The following SATB2 variants were observed in gnomAD, a reference collection of about 807,000 sequenced individuals.
SATB2 encodes the protein SATB homeobox 2.
Under a neutral mutation model 73.4 loss-of-function variants are expected in SATB2, and 1 was observed. That is an observed-to-expected ratio of 0.01 (90% CI 0.00 to 0.06). The LOEUF is 0.06. Among genes scored for constraint, SATB2 ranks in the 10% least tolerant of loss-of-function variants. SATB2 has a pLI of 1.00. For missense variants in SATB2, 459 were observed against 945.8 expected, an observed-to-expected ratio of 0.49 and a Z score of 6.75; for synonymous variants, 397 against 367.0, an observed-to-expected ratio of 1.08 and a Z score of -0.93.
chr2:199,347,091 T>G (rs1688676387), intron 7 of SATB2: 1 of 152,220 alleles, frequency 6.6e-6, no homozygotes, highest in African/African-American at 2.4e-5. Context: ...AGGCTGGTCT[T>G]GAACTCCTGA....
At chr2:199,423,418 T>C (rs1691231988) in intron 3 of SATB2, among the ~76,000 whole-genome samples, 2 of 152,068 alleles carry the variant, frequency 1.3e-5, no homozygotes, top group Admixed American at 1.3e-4. Flanking sequence ...CTTTCCTTTC[T>C]GCAAAGTAAG....
At chr2:199,315,332 A>G (rs975693376) in intron 9 of SATB2, among the ~76,000 whole-genome samples, 3 of 152,118 alleles carry the variant, frequency 2.0e-5, no homozygotes, top group African/African-American at 7.3e-5. Context: ...AATGAGTGAC[A>G]TATCCTCCAA....
At chr2:199,292,533 T>C (rs981672307) in intron 10 of SATB2, among the ~76,000 whole-genome samples, 1 of 152,224 alleles carries the variant, frequency 6.6e-6, no homozygotes, top group African/African-American at 2.4e-5. Flanking sequence ...AAGAAAAATA[T>C]GCAGATAATA....
chr2:199,366,367 C>T (rs901886737), intron 6 of SATB2, among the ~76,000 whole-genome samples: 1 of 151,952 alleles, frequency 6.6e-6, no homozygotes, highest in Non-Finnish European at 1.5e-5. Context: ...GTAGAAACTC[C>T]CACAGCAACA....
At chr2:199,391,654 C>T (rs572364318) in intron 3 of SATB2, among the ~76,000 whole-genome samples, 1 of 151,696 alleles carries the variant, frequency 6.6e-6, no homozygotes, top group African/African-American at 2.4e-5. Context: ...TAAAATATTC[C>T]GCTACCATTT....
upstream of SATB2, chr2:199,458,565 T>C (rs1230364942): frequency 1.3e-5 from 5 of 370,752 alleles, no homozygotes; most frequent in African/African-American, 2.3e-5. Flanking sequence ...CGCGGCCGCC[T>C]CGCCCAGCCC....
intron 3 of SATB2, among the ~76,000 whole-genome samples, chr2:199,425,435 G>A (rs1053480748): frequency 3.9e-5 from 6 of 152,152 alleles, no homozygotes; most frequent in Non-Finnish European, 5.9e-5. Flanking sequence ...TCATCATGGA[G>A]GAAATAATAA....
At chr2:199,459,223 C>A (rs1203775121), upstream of SATB2, among the ~76,000 whole-genome samples, 2 of 152,006 alleles carry the variant, frequency 1.3e-5, no homozygotes, top group Non-Finnish European at 2.9e-5. The surrounding 1 kb of genome is among the most constrained non-coding windows in gnomAD (Gnocchi z 4.2). Context: ...GAGCTGTGCC[C>A]TGAGGACCCG....
chr2:199,440,165 A>G (rs1033511408), intron 2 of SATB2, among the ~76,000 whole-genome samples: 11 of 152,184 alleles, frequency 7.2e-5, no homozygotes, highest in Admixed American at 2.0e-4. Flanking sequence ...CCATAAATAG[A>G]AAGAAAGAAT....
upstream of SATB2, chr2:199,458,828 T>TCCGCG (rs1490693663): frequency 3.5e-6 from 1 of 289,696 alleles, no homozygotes; most frequent in Middle Eastern, 1.1e-3. Context: ...GAGCTCCCCC[T>TCCGCG]CCGCGCCGAG....
At chr2:199,458,816 G>A (rs1574649286), upstream of SATB2, 7 of 340,470 alleles carry the variant, frequency 2.1e-5, no homozygotes, top group Middle Eastern at 9.5e-4. Flanking sequence ...CCCGGTGCCT[G>A]CGAGCTCCCC....
At chr2:199,339,025 T>C (rs1317490059) in intron 7 of SATB2, among the ~76,000 whole-genome samples, 4 of 151,924 alleles carry the variant, frequency 2.6e-5, no homozygotes, top group Non-Finnish European at 5.9e-5. Flanking sequence ...AAAAGAAAGG[T>C]CTTCTTTTAC....
At chr2:199,392,457 C>CT (rs1207776229) in intron 3 of SATB2, among the ~76,000 whole-genome samples, 3 of 151,742 alleles carry the variant, frequency 2.0e-5, no homozygotes, top group Non-Finnish European at 2.9e-5. Context: ...AAACCTGAAG[C>CT]TTTTTTTTAA....
intron 1 of SATB2, 145 bp from the exon 2 acceptor site, chr2:199,456,241 G>T: frequency 1.5e-6 from 1 of 652,836 alleles, no homozygotes; most frequent in South Asian, 1.8e-5. Context: ...GGCCCGAGCC[G>T]GGAAGCCGGT....
intron 5 of SATB2, among the ~76,000 whole-genome samples, chr2:199,372,543 C>T (rs1208541467): frequency 1.3e-5 from 2 of 152,018 alleles, no homozygotes; most frequent in East Asian, 1.9e-4. Context: ...CAAACTGAGG[C>T]CCCAGAAACT....
intron 2 of SATB2, among the ~76,000 whole-genome samples, chr2:199,436,843 AAGAG>A (rs36011191): frequency 1.4e-4 from 21 of 148,854 alleles, no homozygotes; most frequent in Non-Finnish European, 1.3e-4. Flanking sequence ...TATGCCAAGA[AAGAG>A]AGAGAGAGAG....
At chr2:199,403,561 C>A (rs1690544901) in intron 3 of SATB2, among the ~76,000 whole-genome samples, 1 of 152,132 alleles carries the variant, frequency 6.6e-6, no homozygotes, top group Admixed American at 6.5e-5. Context: ...ATATTTCCTA[C>A]AATGGGTGTG....
chr2:199,359,461 T>C (rs1229981376), intron 6 of SATB2, among the ~76,000 whole-genome samples: 1 of 152,198 alleles, frequency 6.6e-6, no homozygotes, highest in East Asian at 1.9e-4. Context: ...GCTAAGGACA[T>C]TTGCAACATG....
chr2:199,418,266 C>T (rs567701053), intron 3 of SATB2, among the ~76,000 whole-genome samples: 127 of 152,122 alleles, frequency 8.3e-4, no homozygotes, highest in Non-Finnish European at 1.6e-3. Context: ...ATGAAAGGCC[C>T]GGCAGTCAGA....
Sources: allele counts gnomAD v4.1 joint callset (sites outside exome capture counted in the v4.1 genomes callset), GRCh38; gene constraint gnomAD v4.1.1; non-coding constraint Gnocchi (gnomAD v3.1); transcripts MANE v1.5; gene names NCBI Gene and HGNC (gene_info 2026-07-23, HGNC 2026-07-21).